The following CPA6 variants were observed in gnomAD, a reference collection of about 807,000 sequenced individuals.
CPA6 encodes the protein carboxypeptidase A6.
Under a neutral mutation model 63.3 loss-of-function variants are expected in CPA6, and 58 were observed. That is an observed-to-expected ratio of 0.92 (90% confidence interval 0.74 to 1.14). CPA6 has a LOEUF of 1.14. Ranked by LOEUF, CPA6 falls within the 50% of genes most tolerant of loss-of-function variation. The pLI is 0.00. For synonymous variants in CPA6, 185 were observed against 179.0 expected, an observed-to-expected ratio of 1.03 and a Z score of -0.27; for missense variants, 565 against 526.6, an observed-to-expected ratio of 1.07 and a Z score of -0.71.
At chr8:67,661,469 C>T (rs1250160159) in intron 1 of CPA6, among the ~76,000 whole-genome samples, 1 of 152,214 alleles carries the variant, frequency 6.6e-6, no homozygotes, top group Non-Finnish European at 1.5e-5. Flanking sequence ...GGCTAGCCTT[C>T]TCAGGCAGCA....
chr8:67,477,186 G>C (rs1811259383), intron 8 of CPA6, among the ~76,000 whole-genome samples: 1 of 151,138 alleles, frequency 6.6e-6, no homozygotes, highest in South Asian at 2.1e-4. Flanking sequence ...AGCTACTTGG[G>C]AGGCTGAGGC....
chr8:67,671,754 CTGCAAACACTTT>C (rs1295972701), intron 1 of CPA6, among the ~76,000 whole-genome samples: 3 of 152,224 alleles, frequency 2.0e-5, no homozygotes, highest in African/African-American at 7.2e-5. Context: ...TTGCAGTGAT[CTGCAAACACTTT>C]TGCTTATGTA....
chr8:67,566,387 G>A lies in CPA6; in HGVS notation c.193-48340C>T, dbSNP rs552102277. Among the ~76,000 whole-genome samples the A allele has an allele frequency of 7.2e-5, 11 of 152,322 alleles. No homozygotes were observed. The East Asian group carries it at 2.1e-3, about 29-fold the overall frequency. ...AAGTTGTCAATGTCCATATCTGACA[G>A]CTGAGCCTCCACTTTCTCAATGCCA... On this transcript the variant is annotated intron_variant, in intron 2 of 10. Transcript: ENST00000297770.
intron 8 of CPA6, among the ~76,000 whole-genome samples, chr8:67,443,413 C>T (rs775867173): frequency 6.6e-5 from 10 of 152,234 alleles, no homozygotes; most frequent in South Asian, 2.1e-4. Context: ...GTGTTTCCTT[C>T]GAATACATCT....
chr8:67,673,372 TTATTA>T (rs1471617247), intron 1 of CPA6, among the ~76,000 whole-genome samples: 26 of 134,030 alleles, frequency 1.9e-4, no homozygotes, highest in African/African-American at 8.3e-4. Context: ...ATTATTATTA[TTATTA>T]TTATTTATTT....
At chr8:67,666,764 A>G (rs1816238057) in intron 1 of CPA6, among the ~76,000 whole-genome samples, 1 of 152,024 alleles carries the variant, frequency 6.6e-6, no homozygotes, top group South Asian at 2.1e-4. Flanking sequence ...TCTCTGGGGC[A>G]TTGGGGGAAA....
At chr8:67,429,557 C>CAGAAACTGG (rs1332699259) in intron 9 of CPA6, 1 of 152,146 alleles carries the variant, frequency 6.6e-6, no homozygotes, top group African/African-American at 2.4e-5. Flanking sequence ...GACCAGGCTC[C>CAGAAACTGG]AGAAACTGGC....
chr8:67,475,751 CTT>C (rs1224663813), intron 8 of CPA6, among the ~76,000 whole-genome samples: 1 of 146,764 alleles, frequency 6.8e-6, no homozygotes, highest in South Asian at 2.2e-4. Context: ...TTCCTTCTTT[CTT>C]TTTTTCTTTC....
chr8:67,458,655 C>T (rs1370302060), intron 8 of CPA6, among the ~76,000 whole-genome samples: 2 of 152,184 alleles, frequency 1.3e-5, no homozygotes, highest in Non-Finnish European at 2.9e-5. Flanking sequence ...GCAAAAGACA[C>T]ATCTTTTAAA....
Position 67,423,974 on chromosome 8 carries a change from C to T in CPA6, c.1127-1283G>A, listed in dbSNP as rs563636594. On this transcript the variant is annotated intron_variant, in intron 10 of 10. Transcript: ENST00000297770. ...ACCTGTATTTACAGTCACTCGCTAT[C>T]GCTTGCATTACTGCCTGAGCTCTGC... 5.9e-5 allele frequency among the ~76,000 whole-genome samples: 9 copies of T among 152,296 alleles called. No individual in the cohort carries two copies. The South Asian group carries it at 8.3e-4, about 14-fold the overall frequency.
chr8:67,660,518 T>C (rs1206118070), intron 1 of CPA6, among the ~76,000 whole-genome samples: 1 of 144,672 alleles, frequency 6.9e-6, no homozygotes, highest in Non-Finnish European at 1.5e-5. Flanking sequence ...TTTTTTTTTT[T>C]TGTAGAGATG....
intron 6 of CPA6, among the ~76,000 whole-genome samples, chr8:67,497,816 C>T (rs143204581): frequency 4.6e-5 from 7 of 151,986 alleles, no homozygotes; most frequent in African/African-American, 9.6e-5. Flanking sequence ...CTCAGCCTCC[C>T]GAATAGCTGG....
intron 1 of CPA6, among the ~76,000 whole-genome samples, chr8:67,667,278 G>A (rs1235033060): frequency 1.3e-5 from 2 of 152,134 alleles, no homozygotes; most frequent in African/African-American, 2.4e-5. Context: ...GATGCCACAG[G>A]CCGCTTGCTG....
rs1245510716 is a variant in CPA6, at chr8:67,461,531, C to T, written c.838+22237G>A. 1.3e-5 allele frequency among the ~76,000 whole-genome samples: 2 copies of T among 152,228 alleles called. 1 individual carries two copies. Among genetic ancestry groups the T allele is most frequent in the Non-Finnish European group, 2.9e-5 (2 of 68,038 alleles). On this transcript the variant is annotated intron_variant, in intron 8 of 10. Transcript: ENST00000297770. ...CCACCTTTCCCCGCTTTCTATTCCA[C>T]AAAACCGCCATTGTCATCCCGGCCC...
chr8:67,604,380 C>T (rs1392664003), intron 2 of CPA6, among the ~76,000 whole-genome samples: 1 of 152,162 alleles, frequency 6.6e-6, no homozygotes, highest in Admixed American at 6.5e-5. Flanking sequence ...AATAACAGCT[C>T]ACCCTCGCCT....
intron 2 of CPA6, among the ~76,000 whole-genome samples, chr8:67,611,768 C>T (rs1355995457): frequency 6.6e-6 from 1 of 152,184 alleles, no homozygotes; most frequent in Non-Finnish European, 1.5e-5. Flanking sequence ...GACACTTACT[C>T]TCTGGCAAGT....
chr8:67,594,013 G>A (rs1247637713), intron 2 of CPA6, among the ~76,000 whole-genome samples: 24 of 150,792 alleles, frequency 1.6e-4, no homozygotes, highest in Middle Eastern at 3.4e-3. Flanking sequence ...ATTTTGCAGC[G>A]GCTGGTACTG....
rs997236542 is a variant in CPA6 at position 67,422,443 on chromosome 8, T to G, written c.*61A>C. The G allele has an allele frequency of 3.4e-6, 5 of 1,450,122 alleles. No individual in the cohort carries two copies. The highest frequency in any genetic ancestry group is 3.9e-5 in the Admixed American group (2 of 51,388). The allele number at this position is 1,450,122 out of a possible 1,614,324, so 89.8% of individuals were successfully genotyped here. A position where few individuals can be genotyped will look rare whatever the true frequency, so the allele number is the denominator to read the frequency against. ...CCCTTCTCTTTGAAAACAATTTCTATCCAGGGCCAAGTAGGCCTTGCTCAG... is the reference window on the plus strand; with the variant it reads ...CCCTTCTCTTTGAAAACAATTTCTAGCCAGGGCCAAGTAGGCCTTGCTCAG... On this transcript the variant is annotated 3_prime_UTR_variant, in exon 11 of 11. Transcript: ENST00000297770.
chr8:67,432,320 G>A (rs541110849), intron 9 of CPA6, among the ~76,000 whole-genome samples: 1 of 152,268 alleles, frequency 6.6e-6, no homozygotes, highest in Non-Finnish European at 1.5e-5. Context: ...TAAACAGCAG[G>A]GTTTGGAGAG....
Sources: gnomAD v4.1 joint callset for allele counts (sites outside exome capture counted in the v4.1 genomes callset) on GRCh38, gnomAD v4.1.1 for gene constraint, MANE v1.5 for transcripts, NCBI Gene and HGNC (gene_info 2026-07-23, HGNC 2026-07-21) for gene names.